NAPB: variants seen among roughly 807,000 people sequenced by gnomAD.
The protein encoded by NAPB is beta-soluble NSF attachment protein.
A neutral mutation model predicts 44.7 loss-of-function variants in NAPB; 26 were observed. The ratio of observed to expected loss-of-function variants is 0.58; its 90% CI spans 0.43 to 0.81. The LOEUF (loss-of-function observed/expected upper bound fraction) is 0.81. Among genes scored for constraint, NAPB ranks in the 30% least tolerant of loss-of-function variants. The pLI is 0.00. For missense variants in NAPB, 315 were observed against 356.4 expected, an observed-to-expected ratio of 0.88 and a Z score of 0.94; for synonymous variants, 120 against 116.8, an observed-to-expected ratio of 1.03 and a Z score of -0.18.
At chr20:23,396,480 GTAAGAAAT>G (rs1208482579) in intron 3 of NAPB, among the ~76,000 whole-genome samples, 2 of 152,208 alleles carry the variant, frequency 1.3e-5, no homozygotes, top group East Asian at 3.8e-4. Context: ...CGTGTGGAAG[GTAAGAAAT>G]TAATACTTTT....
At position 23,421,419 on chromosome 20, in the gene NAPB, G is replaced by A. The variant is rs762576392; in HGVS notation, c.-17C>T. ...GTTGTCCATGTCGCCCGCCGCGGCC[G>A]CCACAGCCCCCTCAGCCGGCTCGCT... On this transcript the variant is annotated 5_prime_UTR_variant, in exon 1 of 11. Coordinates refer to ENST00000377026, the MANE Select transcript of NAPB (RefSeq NM_022080.3). 4.5e-6 allele frequency: 7 copies of A among 1,540,028 alleles called. No individual in the cohort carries two copies. Among genetic ancestry groups the A allele is most frequent in the African/African-American group, 2.8e-5 (2 of 71,658 alleles).
chr20:23,420,812 C>A (rs1600612329), intron 1 of NAPB, among the ~76,000 whole-genome samples: 1 of 66,226 alleles, frequency 1.5e-5, no homozygotes, highest in East Asian at 1.4e-3. Flanking sequence ...GCTGACAGCC[C>A]CCCCCCCAGA....
At chr20:23,420,305 C>A (rs1986290932) in intron 1 of NAPB, among the ~76,000 whole-genome samples, 1 of 152,198 alleles carries the variant, frequency 6.6e-6, no homozygotes, top group South Asian at 2.1e-4. Context: ...ACAGCAGCAG[C>A]GTTACCGTTA....
intron 1 of NAPB, among the ~76,000 whole-genome samples, chr20:23,403,960 T>C (rs1985050575): frequency 6.6e-6 from 1 of 152,094 alleles, no homozygotes; most frequent in African/African-American, 2.4e-5. Flanking sequence ...TAGAAATGCA[T>C]TTTGCAACAC....
chr20:23,390,831 G>A (rs1362928630), intron 5 of NAPB, among the ~76,000 whole-genome samples: 3 of 152,120 alleles, frequency 2.0e-5, no homozygotes, highest in African/African-American at 7.2e-5. Context: ...TACACCTTAC[G>A]TCTATGACTT....
At chr20:23,380,187 C>T (rs954565512) in intron 8 of NAPB, among the ~76,000 whole-genome samples, 4 of 152,226 alleles carry the variant, frequency 2.6e-5, no homozygotes, top group Non-Finnish European at 5.9e-5. Context: ...AAAATGAATT[C>T]TTAAACACTC....
intron 1 of NAPB, among the ~76,000 whole-genome samples, chr20:23,414,699 C>CT (rs1280006679): frequency 6.6e-6 from 1 of 152,098 alleles, no homozygotes; most frequent in Non-Finnish European, 1.5e-5. Context: ...TTACTGTGAA[C>CT]TTTATTAGTC....
At chr20:23,392,144 CG>C (rs545260101) in intron 5 of NAPB, among the ~76,000 whole-genome samples, 94 of 152,282 alleles carry the variant, frequency 6.2e-4, no homozygotes, top group African/African-American at 2.2e-3. Flanking sequence ...TGATGGTGAG[CG>C]GAACAGTCAT....
chr20:23,415,944 C>A (rs943561311), intron 1 of NAPB, among the ~76,000 whole-genome samples: 1 of 152,114 alleles, frequency 6.6e-6, no homozygotes, highest in Admixed American at 6.5e-5. Context: ...CCAGCCTAGG[C>A]AACAGAGTGA....
At chr20:23,386,221 A>T (rs577146453) in intron 7 of NAPB, among the ~76,000 whole-genome samples, 1 of 152,352 alleles carries the variant, frequency 6.6e-6, no homozygotes, top group South Asian at 2.1e-4. Flanking sequence ...CAAAGATGAA[A>T]ATCAGCAAGC....
intron 8 of NAPB, 76 bp downstream of exon 8, chr20:23,381,137 G>T: frequency 1.0e-6 from 1 of 987,710 alleles, no homozygotes; most frequent in Non-Finnish European, 1.6e-6. Flanking sequence ...AAAATGAAAT[G>T]ATACCAAGAA....
intron 1 of NAPB, among the ~76,000 whole-genome samples, chr20:23,416,121 C>T (rs546124365): frequency 6.6e-6 from 1 of 152,316 alleles, no homozygotes; most frequent in African/African-American, 2.4e-5. Flanking sequence ...ATATTTACCA[C>T]GTGCCTAACG....
intron 5 of NAPB, among the ~76,000 whole-genome samples, chr20:23,390,503 C>T (rs1227516847): frequency 6.6e-6 from 1 of 152,248 alleles, no homozygotes; most frequent in African/African-American, 2.4e-5. Flanking sequence ...ACCACTTCCT[C>T]AGCTTCCTCC....
intron 8 of NAPB, 81 bp from the exon 9 acceptor site, chr20:23,380,016 T>C (rs1982867226): frequency 2.8e-6 from 3 of 1,084,056 alleles, no homozygotes; most frequent in Non-Finnish European, 2.8e-6. Flanking sequence ...TCAAATAAGA[T>C]CTACCTATAT....
At position 23,421,352 on chromosome 20, in the gene NAPB, G is replaced by A; in HGVS notation, c.51C>T (p.Ala17=). The part of the protein sequence containing the change: ...EREAVQLMAE[A]EKRVKASHSF... ...AGTGGGAGGCCTTGACTCGCTTCTC[G>A]GCCTCCGCCATCAGCTGTACTGCCT... The change falls in exon 1 of 11, where the codon GCC becomes GCT. Residue 17 remains alanine (A), a synonymous_variant. Coordinates refer to ENST00000377026, the MANE Select transcript of NAPB (RefSeq NM_022080.3). 1 of 1,563,062 alleles carries A rather than the reference G, an allele frequency of 6.4e-7. No homozygotes were observed. The highest frequency in any genetic ancestry group is 8.7e-7 in the Non-Finnish European group (1 of 1,153,654).
chr20:23,406,718 C>A (rs1308550407), intron 1 of NAPB, among the ~76,000 whole-genome samples: 1 of 152,112 alleles, frequency 6.6e-6, no homozygotes. Flanking sequence ...TTAGCCATAC[C>A]TCCCTTGGCG....
intron 7 of NAPB, among the ~76,000 whole-genome samples, chr20:23,389,231 T>TAAA (rs71330886): frequency 0.018 from 2,112 of 115,294 alleles, 78 homozygotes; most frequent in African/African-American, 0.066. Context: ...GACTATTATT[T>TAAA]AAAAAAAAAA....
chr20:23,390,205 T>C lies in NAPB; in HGVS notation c.476+4A>G. 1 of 1,605,302 alleles carries C rather than the reference T, an allele frequency of 6.2e-7. No individual in the cohort carries two copies. Among genetic ancestry groups the C allele is most frequent in the African/African-American group, 1.3e-5 (1 of 74,934 alleles). On this transcript the variant is annotated splice_donor_region_variant and intron_variant, in intron 6 of 10. Coordinates refer to ENST00000377026, the MANE Select transcript of NAPB (RefSeq NM_022080.3). ...TAAATCATATTAAGAAAAGTAATAC[T>C]TGCCTGTTGGATTCTTCTCCTTTGT...
intron 1 of NAPB, among the ~76,000 whole-genome samples, chr20:23,418,979 T>C (rs2123278927): frequency 6.6e-6 from 1 of 152,160 alleles, no homozygotes; most frequent in South Asian, 2.1e-4. Flanking sequence ...AGTCTACGGC[T>C]CTGAAATTCT....
Sources: gnomAD v4.1 joint callset for allele counts (sites outside exome capture counted in the v4.1 genomes callset) on GRCh38, gnomAD v4.1.1 for gene constraint, MANE v1.5 for transcripts, NCBI Gene and HGNC (gene_info 2026-07-23, HGNC 2026-07-21) for gene names.